COL24A1: variants seen among roughly 807,000 people sequenced by gnomAD.
The protein encoded by COL24A1 is collagen type XXIV alpha 1 chain, also known as collagen alpha-1(XXIV) chain.
A neutral mutation model predicts 253.9 loss-of-function variants in COL24A1; 224 were observed. That is an observed-to-expected ratio of 0.88 (90% CI 0.79 to 0.99). COL24A1 has a LOEUF of 0.99. Ranked by LOEUF, COL24A1 falls within the 50% of genes least tolerant of loss-of-function variation. The pLI is 0.00. For missense variants in COL24A1, 2,131 were observed against 2,068.5 expected, an observed-to-expected ratio of 1.03 and a Z score of -0.59; for synonymous variants, 685 against 673.7, an observed-to-expected ratio of 1.02 and a Z score of -0.26.
At chr1:86,110,447 C>T (rs1705433919) in intron 5 of COL24A1, among the ~76,000 whole-genome samples, 2 of 152,120 alleles carry the variant, frequency 1.3e-5, no homozygotes, top group South Asian at 2.1e-4. Flanking sequence ...GCCTCAGCGT[C>T]CACTCTGGCC....
chr1:85,971,285 G>T, intron 21 of COL24A1, 55 bp downstream of exon 21: 1 of 1,489,570 alleles, frequency 6.7e-7, no homozygotes. Flanking sequence ...AATAAAAAGG[G>T]AAAATTTTAA....
intron 28 of COL24A1, 69 bp downstream of exon 28, chr1:85,907,125 T>C: frequency 1.6e-6 from 2 of 1,268,118 alleles, no homozygotes; most frequent in Non-Finnish European, 2.3e-6. Flanking sequence ...CTATTTTTGT[T>C]GCACATTTTC....
intron 47 of COL24A1, among the ~76,000 whole-genome samples, chr1:85,811,034 A>G (rs972429425): frequency 6.6e-6 from 1 of 152,176 alleles, no homozygotes; most frequent in African/African-American, 2.4e-5. Flanking sequence ...TCTTTCATAT[A>G]AGTGAGATCA....
intron 35 of COL24A1, among the ~76,000 whole-genome samples, chr1:85,873,349 A>G (rs1478054922): frequency 2.6e-5 from 4 of 152,154 alleles, no homozygotes; most frequent in East Asian, 1.9e-4. Flanking sequence ...TGTATACCCA[A>G]AGGATTATAA....
intron 47 of COL24A1, among the ~76,000 whole-genome samples, chr1:85,794,277 T>C (rs923591119): frequency 3.9e-5 from 6 of 152,210 alleles, no homozygotes; most frequent in Non-Finnish European, 5.9e-5. Context: ...ACTTTACTTA[T>C]AATTCTAGGC....
intron 24 of COL24A1, among the ~76,000 whole-genome samples, chr1:85,913,253 C>T (rs984700795): frequency 3.9e-5 from 6 of 152,120 alleles, no homozygotes; most frequent in South Asian, 2.1e-4. Flanking sequence ...TTTGATAAAA[C>T]GGTGAAATGG....
chr1:85,793,299 A>G (rs1253112819), intron 47 of COL24A1, among the ~76,000 whole-genome samples: 2 of 152,164 alleles, frequency 1.3e-5, no homozygotes, highest in Non-Finnish European at 2.9e-5. Context: ...CATGTTCCTC[A>G]GCTTGACCTT....
chr1:85,985,320 A>G (rs771839875), intron 20 of COL24A1, among the ~76,000 whole-genome samples: 12 of 151,800 alleles, frequency 7.9e-5, no homozygotes, highest in Non-Finnish European at 1.5e-4. Context: ...TAAGTATGGC[A>G]TGGTTTGGCA....
At position 85,822,763 on chromosome 1, in the gene COL24A1, C is replaced by T. The variant is rs555737093; in HGVS notation, c.3789+773G>A. Among the ~76,000 whole-genome samples the T allele has an allele frequency of 4.1e-4, 62 of 152,216 alleles. 1 individual carries two copies. Among genetic ancestry groups the T allele is most frequent in the African/African-American group, 1.3e-3 (56 of 41,542 alleles). On this transcript the variant is annotated intron_variant, in intron 45 of 59. Coordinates refer to ENST00000370571, the MANE Select transcript of COL24A1 (RefSeq NM_152890.7). ...GTTTTAGCAACGAACCCTGCCAAGT[C>T]GGTTTAGCAAGAACCTTCACCCTTG...
chr1:85,926,999 G>A (rs1252788369), intron 24 of COL24A1, among the ~76,000 whole-genome samples: 2 of 152,174 alleles, frequency 1.3e-5, no homozygotes, highest in African/African-American at 2.4e-5. Flanking sequence ...ATGGTAACCT[G>A]TAGGAACAAT....
At chr1:85,864,845 A>C (rs1679602447) in intron 37 of COL24A1, among the ~76,000 whole-genome samples, 1 of 152,170 alleles carries the variant, frequency 6.6e-6, no homozygotes, top group Admixed American at 6.5e-5. Context: ...CCAACTTTGG[A>C]GTTTATAGTT....
At chr1:85,992,401 C>T (rs956142529) in intron 19 of COL24A1, among the ~76,000 whole-genome samples, 7 of 152,120 alleles carry the variant, frequency 4.6e-5, no homozygotes, top group Non-Finnish European at 1.0e-4. Context: ...AAATTCATAC[C>T]TAGATTACTA....
At chr1:85,926,054 C>G (rs1362737954) in intron 24 of COL24A1, among the ~76,000 whole-genome samples, 1 of 152,078 alleles carries the variant, frequency 6.6e-6, no homozygotes, top group African/African-American at 2.4e-5. Flanking sequence ...ATTTATGCAG[C>G]CAACAGACAC....
intron 43 of COL24A1, among the ~76,000 whole-genome samples, chr1:85,835,662 A>G (rs753319967): frequency 1.3e-5 from 2 of 152,200 alleles, no homozygotes; most frequent in Non-Finnish European, 2.9e-5. Context: ...ACAAAAGGCT[A>G]CATGTATAAT....
Position 85,896,373 on chromosome 1 carries a change from C to G in COL24A1, c.2815G>C (p.Gly939Arg). The G allele has an allele frequency of 6.2e-7, 1 of 1,613,404 alleles. No individual in the cohort carries two copies. Among genetic ancestry groups the G allele is most frequent in the Non-Finnish European group, 8.5e-7 (1 of 1,179,442 alleles). The part of the protein sequence containing the change: ...RGPDGLLGEQ[G>R]IQGAKGEKGD... Reference sequence around the variant, plus strand: ...ATGATTACCTTGGCACCTTGTATACCTTGTTCCCCTAAGAGACCATCTGGT... The same window carrying G: ...ATGATTACCTTGGCACCTTGTATACGTTGTTCCCCTAAGAGACCATCTGGT... Residue 939 changes from glycine (G) to arginine (R), a missense_variant, in exon 29 of 60, where the codon GGT becomes CGT. Coordinates refer to ENST00000370571, the MANE Select transcript of COL24A1 (RefSeq NM_152890.7).
intron 18 of COL24A1, among the ~76,000 whole-genome samples, chr1:86,021,834 T>A (rs1697567951): frequency 6.6e-6 from 1 of 152,146 alleles, no homozygotes; most frequent in Non-Finnish European, 1.5e-5. Context: ...TTTAGAATAT[T>A]TTGGTCCACA....
At chr1:85,784,803 T>G (rs1285788402) in intron 48 of COL24A1, among the ~76,000 whole-genome samples, 3 of 152,082 alleles carry the variant, frequency 2.0e-5, no homozygotes, top group African/African-American at 7.2e-5. Flanking sequence ...TGATCATGGC[T>G]TACTGCAGCC....
chr1:85,987,801 G>A (rs565800328), intron 19 of COL24A1, 147 bp from the exon 20 acceptor site: 3 of 635,030 alleles, frequency 4.7e-6, no homozygotes, highest in Non-Finnish European at 8.1e-6. Flanking sequence ...AAGTTAGGCA[G>A]TTGTTTAACA....
In COL24A1 at chr1:86,136,039, C is replaced by T. The variant is rs138204589; in HGVS notation, c.122-9825G>A. Reference sequence around the variant, plus strand: ...AAATGGCTTCTAGCCCCACCTTCTTCTCTAAACCAAATCTAGTCCAGGAGG... The same window carrying T: ...AAATGGCTTCTAGCCCCACCTTCTTTTCTAAACCAAATCTAGTCCAGGAGG... On this transcript the variant is annotated intron_variant, in intron 2 of 59. Coordinates refer to ENST00000370571, the MANE Select transcript of COL24A1 (RefSeq NM_152890.7). 9.0e-3 allele frequency among the ~76,000 whole-genome samples: 1,366 copies of T among 152,116 alleles called. 24 individuals are homozygous for T. Among genetic ancestry groups the T allele is most frequent in the East Asian group, 0.074 (383 of 5,162 alleles).
Sources: allele counts gnomAD v4.1 joint callset (sites outside exome capture counted in the v4.1 genomes callset), GRCh38; gene constraint gnomAD v4.1.1; transcripts MANE v1.5; gene names NCBI Gene and HGNC (gene_info 2026-07-23, HGNC 2026-07-21).